Variants in FBN1 observed in about 807,000 individuals in gnomAD.
FBN1 encodes fibrillin-1.
A neutral mutation model predicts 365.1 loss-of-function variants in FBN1; 29 were observed. The ratio of observed to expected loss-of-function variants is 0.08; its 90% CI spans 0.06 to 0.11. FBN1 has a LOEUF of 0.11. Ranked by LOEUF, FBN1 falls within the 10% of genes least tolerant of loss-of-function variation. The pLI is 1.00. For synonymous variants in FBN1, 1,210 were observed against 1,270.5 expected (o/e 0.95, Z 1.01); for missense variants, 2,476 against 3,703.2 (o/e 0.67, Z 8.60).
intron 2 of FBN1, among the ~76,000 whole-genome samples, chr15:48,634,715 C>A (rs1890056731): frequency 6.6e-6 from 1 of 151,192 alleles, no homozygotes; most frequent in Non-Finnish European, 1.5e-5. Flanking sequence ...ATTTTATTTG[C>A]AGCACAGCTT....
rs1385948153 is a variant in FBN1 at position 48,474,262 on chromosome 15, A to C, written c.4203T>G (p.Thr1401=). The part of the protein sequence containing the change: ...CKEGYTGDGF[T]CTDLDECSEN... ...TTTCCAGCGTGAACATACCTGTACAAGTGAAGCCATCACCTGTGTATCCTT... is the reference window on the plus strand; with the variant it reads ...TTTCCAGCGTGAACATACCTGTACACGTGAAGCCATCACCTGTGTATCCTT... Residue 1401 remains threonine (T), a synonymous_variant, in exon 34 of 66, where the codon ACT becomes ACG. Coordinates refer to ENST00000316623, the MANE Select transcript of FBN1 (RefSeq NM_000138.5). The C allele has an allele frequency of 6.2e-7, 1 of 1,614,104 alleles. No homozygotes were observed.
Position 48,537,753 on chromosome 15 carries a change from T to A in FBN1, c.594A>T (p.Gln198His), listed in dbSNP as rs756408299. Residue 198 changes from glutamine to histidine, a missense_variant, in exon 7 of 66, where the codon CAA becomes CAT. Gln to His is a conservative substitution (Grantham distance 24). This residue lies in a region of FBN1 where 421 missense variants were observed against 520.1 expected (regional missense o/e 0.81). Coordinates refer to ENST00000316623, the MANE Select transcript of FBN1 (RefSeq NM_000138.5). ...TTTTTGTGCAGACAATCCCGCTGAG[T>A]TGTCCCTGGCACATCTGGTTGCTGA... ...TVISNQMCQG[Q>H]LSGIVCTKTL... 6.2e-7 allele frequency: 1 copy of A among 1,614,178 alleles called. No individual in the cohort carries two copies.
At chr15:48,485,110 C>T (rs1457505847) in intron 30 of FBN1, among the ~76,000 whole-genome samples, 1 of 152,098 alleles carries the variant, frequency 6.6e-6, no homozygotes, top group Non-Finnish European at 1.5e-5. Flanking sequence ...AAAGTCTGGT[C>T]AATGAAGGAA....
At chr15:48,604,443 T>A (rs1366870065) in intron 4 of FBN1, among the ~76,000 whole-genome samples, 2 of 152,146 alleles carry the variant, frequency 1.3e-5, no homozygotes, top group African/African-American at 2.4e-5. Context: ...ACAATTTTCA[T>A]TTAGAGGGAT....
chr15:48,508,367 T>C (rs1353853628), intron 15 of FBN1, among the ~76,000 whole-genome samples: 1 of 152,212 alleles, frequency 6.6e-6, no homozygotes, highest in Non-Finnish European at 1.5e-5. Context: ...TGAGAAGACC[T>C]CAAATACCCT....
intron 9 of FBN1, among the ~76,000 whole-genome samples, chr15:48,525,731 G>C (rs2043905268): frequency 6.6e-6 from 1 of 152,186 alleles, no homozygotes; most frequent in Admixed American, 6.5e-5. Flanking sequence ...TTGTAGAGAA[G>C]CCAAGAAGCA....
At chr15:48,553,067 C>T (rs1347147589) in intron 6 of FBN1, among the ~76,000 whole-genome samples, 1 of 152,178 alleles carries the variant, frequency 6.6e-6, no homozygotes, top group Non-Finnish European at 1.5e-5. Flanking sequence ...TCATATGCAT[C>T]ATTACCATCA....
intron 5 of FBN1, among the ~76,000 whole-genome samples, chr15:48,598,508 A>G (rs1267340232): frequency 6.6e-6 from 1 of 152,192 alleles, no homozygotes; most frequent in Admixed American, 6.5e-5. Context: ...CTGGCCCATG[A>G]CATCCTATCT....
chr15:48,596,000 C>G (rs998751358), intron 6 of FBN1, among the ~76,000 whole-genome samples: 2 of 152,164 alleles, frequency 1.3e-5, no homozygotes, highest in Admixed American at 1.3e-4. Context: ...CCTTTTTATC[C>G]TGATGCCAAC....
intron 42 of FBN1, among the ~76,000 whole-genome samples, chr15:48,462,493 C>T (rs781732947): frequency 6.6e-6 from 1 of 152,078 alleles, no homozygotes; most frequent in Non-Finnish European, 1.5e-5. Context: ...GAATTTTGTA[C>T]TTGATCACAT....
At chr15:48,599,017 T>C (rs952646023) in intron 5 of FBN1, among the ~76,000 whole-genome samples, 2 of 152,188 alleles carry the variant, frequency 1.3e-5, no homozygotes, top group African/African-American at 4.8e-5. Context: ...GACTTGTTGC[T>C]CCCTGCCTTC....
chr15:48,428,534 G>C, intron 56 of FBN1, 63 bp from the exon 57 acceptor site: 1 of 1,591,648 alleles, frequency 6.3e-7, no homozygotes, highest in South Asian at 1.1e-5. Context: ...ATAGAGGATG[G>C]AGCTCCTTCC....
chr15:48,597,182 A>G (rs1377427880), intron 5 of FBN1, among the ~76,000 whole-genome samples: 4 of 151,794 alleles, frequency 2.6e-5, no homozygotes, highest in Non-Finnish European at 5.9e-5. Flanking sequence ...CTCCTTATAT[A>G]TTTTCTATAC....
intron 32 of FBN1, among the ~76,000 whole-genome samples, chr15:48,480,413 C>T (rs1796208239): frequency 6.6e-6 from 1 of 152,064 alleles, no homozygotes; most frequent in African/African-American, 2.4e-5. Context: ...ACCATTTGTA[C>T]CGAGAGGCCG....
intron 32 of FBN1, chr15:48,476,898 G>A (rs945054500): frequency 6.6e-6 from 1 of 151,964 alleles, no homozygotes; most frequent in East Asian, 1.9e-4. Context: ...CAAAGTGTTG[G>A]GATTAAGGCG....
intron 6 of FBN1, among the ~76,000 whole-genome samples, chr15:48,574,565 C>CAA (rs796605948): frequency 7.4e-5 from 10 of 134,510 alleles, no homozygotes; most frequent in African/African-American, 1.9e-4. Context: ...CTTGCCCATT[C>CAA]AAAAAAAAAA....
intron 6 of FBN1, among the ~76,000 whole-genome samples, chr15:48,588,154 T>C (rs1446669345): frequency 6.6e-6 from 1 of 152,138 alleles, no homozygotes; most frequent in African/African-American, 2.4e-5. Context: ...CAAACTGAGA[T>C]GTGGTATAAT....
intron 44 of FBN1, 104 bp downstream of exon 44, chr15:48,456,533 A>T: frequency 8.9e-7 from 1 of 1,125,902 alleles, no homozygotes; most frequent in Non-Finnish European, 1.3e-6. Context: ...TCTAGAGCTT[A>T]ATGCATTTCT....
At chr15:48,432,382 G>A (rs1053742825) in intron 55 of FBN1, among the ~76,000 whole-genome samples, 2 of 152,168 alleles carry the variant, frequency 1.3e-5, no homozygotes, top group Non-Finnish European at 2.9e-5. Context: ...AATTGCAGGT[G>A]TTCAGGAGGT....
Sources: allele counts gnomAD v4.1 joint callset (sites outside exome capture counted in the v4.1 genomes callset), GRCh38; gene constraint gnomAD v4.1.1; regional missense constraint gnomAD v4.1.1; transcripts MANE v1.5; gene names NCBI Gene and HGNC (gene_info 2026-07-23, HGNC 2026-07-21).